The following CUL3 variants were observed in gnomAD, a reference collection of about 807,000 sequenced individuals.
The protein encoded by CUL3 is cullin 3, also known as cullin-3.
A neutral mutation model predicts 89.1 loss-of-function variants in CUL3; 19 were observed. The ratio of observed to expected loss-of-function variants is 0.21; its 90% CI spans 0.15 to 0.31. The LOEUF (loss-of-function observed/expected upper bound fraction) is 0.31. Among genes scored for constraint, CUL3 ranks in the 10% least tolerant of loss-of-function variants. The pLI is 1.00. For missense variants in CUL3, 469 were observed against 942.3 expected (o/e 0.50, Z 6.58); for synonymous variants, 351 against 308.4 (o/e 1.14, Z -1.45).
chr2:224,542,207 C>T (rs1694136101), intron 2 of CUL3, among the ~76,000 whole-genome samples: 1 of 152,108 alleles, frequency 6.6e-6, no homozygotes, highest in Non-Finnish European at 1.5e-5. Context: ...ACCTTATGAA[C>T]CACTCTGCAA....
intron 1 of CUL3, among the ~76,000 whole-genome samples, chr2:224,575,933 G>A (rs1422775599): frequency 6.6e-6 from 1 of 152,148 alleles, no homozygotes; most frequent in East Asian, 1.9e-4. Context: ...ATTTTAAATT[G>A]AATAAATGAA....
chr2:224,584,462 C>G (rs1695523947), intron 1 of CUL3, among the ~76,000 whole-genome samples: 1 of 152,266 alleles, frequency 6.6e-6, no homozygotes, highest in East Asian at 1.9e-4. Context: ...CATAGACCTT[C>G]CTGGGGAGGG....
intron 11 of CUL3, among the ~76,000 whole-genome samples, chr2:224,498,495 C>T (rs967033935): frequency 7.2e-5 from 11 of 152,084 alleles, no homozygotes. Flanking sequence ...GTCATTTTGC[C>T]TTTCTACAGT....
At chr2:224,492,238 TC>T (rs1692012200) in intron 13 of CUL3, among the ~76,000 whole-genome samples, 1 of 151,964 alleles carries the variant, frequency 6.6e-6, no homozygotes, top group Admixed American at 6.5e-5. Context: ...ATTTCCTATA[TC>T]CCCCTTTTCA....
chr2:224,580,881 A>G (rs75781695), intron 1 of CUL3, among the ~76,000 whole-genome samples: 1 of 112,706 alleles, frequency 8.9e-6, no homozygotes, highest in Non-Finnish European at 2.2e-5. Context: ...AGTGCTTGAG[A>G]TTTTTTTTTT....
chr2:224,495,810 T>C, intron 13 of CUL3, 22 bp downstream of exon 13: 3 of 1,577,598 alleles, frequency 1.9e-6, no homozygotes, highest in Non-Finnish European at 2.6e-6. Context: ...ACAGTTAAAA[T>C]GTATATAACC....
intron 12 of CUL3, among the ~76,000 whole-genome samples, chr2:224,497,224 A>G (rs1692201379): frequency 6.6e-6 from 1 of 152,178 alleles, no homozygotes; most frequent in Non-Finnish European, 1.5e-5. Flanking sequence ...TAATGAAAAT[A>G]AATTATTACT....
intron 5 of CUL3, among the ~76,000 whole-genome samples, chr2:224,512,656 A>G (rs1473587830): frequency 6.6e-6 from 1 of 152,190 alleles, no homozygotes; most frequent in Non-Finnish European, 1.5e-5. Flanking sequence ...TTGGCCTGTA[A>G]TATTTTAATC....
chr2:224,474,582 TA>T (rs1287800894), intron 15 of CUL3: 3 of 504,846 alleles, frequency 5.9e-6, no homozygotes, highest in Non-Finnish European at 1.1e-5. Context: ...ATGTGAATGC[TA>T]AAGTGGATAG....
rs573170866 is a variant in CUL3 at position 224,567,297 on chromosome 2, C to T, written c.67-9441G>A. ...CAGAGGTGCAATCATAGCTCACTGC[C>T]GCCTCAAACTCCCAGGTTCAAGGGA... On this transcript the variant is annotated intron_variant, in intron 1 of 15. Coordinates refer to ENST00000264414, the MANE Select transcript of CUL3 (RefSeq NM_003590.5). Among the ~76,000 whole-genome samples, 72 of 152,190 alleles carry T rather than the reference C, an allele frequency of 4.7e-4. 1 individual carries two copies. The highest frequency in any genetic ancestry group is 2.4e-4 in the Non-Finnish European group (16 of 68,008).
intron 1 of CUL3, among the ~76,000 whole-genome samples, chr2:224,569,146 T>C (rs1695118501): frequency 6.6e-6 from 1 of 152,200 alleles, no homozygotes; most frequent in East Asian, 1.9e-4. Flanking sequence ...CTAAATTACT[T>C]GAGCAGGGCT....
rs1423069815 is a variant in CUL3 at position 224,497,825 on chromosome 2, A to G, written c.1635T>C (p.Gly545=). 1 of 1,613,968 alleles carries G rather than the reference A, an allele frequency of 6.2e-7. No homozygotes were observed. Among genetic ancestry groups the G allele is most frequent in the Admixed American group, 1.7e-5 (1 of 60,014 alleles). ...FRRFYLAKHS[G]RQLTLQHHMG... ...TATGATGCTGGAGTGTGAGCTGTCG[A>G]CCACTGTGTTTGGCTAAGTAGAACC... Residue 545 remains glycine (G), a synonymous_variant, in exon 12 of 16, where the codon GGT becomes GGC. Coordinates refer to ENST00000264414, the MANE Select transcript of CUL3 (RefSeq NM_003590.5).
rs1267142426 is a variant in CUL3 at position 224,473,960 on chromosome 2, TATTTTCCTGTTTTC to T, written c.*271_*284del. Reference sequence around the variant, plus strand: ...AGCTGTATTTTCTAAATTTCTCTTTTATTTTCCTGTTTTCATACAGTAAAGAAAACAAAACGCAG... The same window carrying T: ...AGCTGTATTTTCTAAATTTCTCTTTTATACAGTAAAGAAAACAAAACGCAG... On this transcript the variant is annotated 3_prime_UTR_variant, in exon 16 of 16. Coordinates refer to ENST00000264414, the MANE Select transcript of CUL3 (RefSeq NM_003590.5). 2 of 266,962 alleles carry T rather than the reference TATTTTCCTGTTTTC, an allele frequency of 7.5e-6. No homozygotes were observed. Among genetic ancestry groups the T allele is most frequent in the Admixed American group, 5.0e-5 (1 of 20,014 alleles). 16.5% of individuals were successfully genotyped at this position (266,962 alleles called of 1,614,324 possible). A position where few individuals can be genotyped will look rare whatever the true frequency, so the allele number is the denominator to read the frequency against.
At chr2:224,512,132 G>T (rs1361669469) in intron 5 of CUL3, among the ~76,000 whole-genome samples, 1 of 148,838 alleles carries the variant, frequency 6.7e-6, no homozygotes, top group Admixed American at 6.7e-5. Flanking sequence ...GTCTCGCTCT[G>T]TCACCCAGGC....
At chr2:224,499,351 G>C (rs1692286861) in intron 11 of CUL3, 1 of 225,816 alleles carries the variant, frequency 4.4e-6, no homozygotes, top group Non-Finnish European at 1.0e-5. Flanking sequence ...CTGGTACTTG[G>C]ACACTTAAGA....
chr2:224,522,120 CAT>C (rs1693290247), intron 3 of CUL3, among the ~76,000 whole-genome samples: 1 of 145,548 alleles, frequency 6.9e-6, no homozygotes, highest in Admixed American at 6.8e-5. Flanking sequence ...TCTGTCAGAA[CAT>C]GTTAGAACTT....
chr2:224,498,294 T>C (rs1255759107), intron 11 of CUL3, among the ~76,000 whole-genome samples: 2 of 152,242 alleles, frequency 1.3e-5, no homozygotes, highest in Non-Finnish European at 2.9e-5. Flanking sequence ...AATTTTTTCT[T>C]ACATATTAAA....
rs762015861 is a variant in CUL3, at chr2:224,485,959, T to C, written c.1843-3881A>G. On this transcript the variant is annotated intron_variant, in intron 13 of 15. Transcript: ENST00000264414. The surrounding 1 kb of genome is among the most constrained non-coding windows in gnomAD (Gnocchi z 4.1). ...TTCTGCAGCCTCCACTGGTGATACGTAGGTGAACAGGGTCTGGAGTGGACC... is the reference window on the plus strand; with the variant it reads ...TTCTGCAGCCTCCACTGGTGATACGCAGGTGAACAGGGTCTGGAGTGGACC... 6.6e-6 allele frequency among the ~76,000 whole-genome samples: 1 copy of C among 152,206 alleles called. No homozygotes were observed. The highest frequency in any genetic ancestry group is 1.5e-5 in the Non-Finnish European group (1 of 68,022).
chr2:224,505,094 T>C (rs910755651), intron 8 of CUL3, among the ~76,000 whole-genome samples: 1 of 150,602 alleles, frequency 6.6e-6, no homozygotes, highest in Non-Finnish European at 1.5e-5. Flanking sequence ...TAACTCTCAG[T>C]CATAAAAATG....
Sources: allele counts gnomAD v4.1 joint callset (sites outside exome capture counted in the v4.1 genomes callset), GRCh38; gene constraint gnomAD v4.1.1; non-coding constraint Gnocchi (gnomAD v3.1); transcripts MANE v1.5; gene names NCBI Gene and HGNC (gene_info 2026-07-23, HGNC 2026-07-21).